POLE: variants seen among roughly 807,000 people sequenced by gnomAD.
POLE encodes DNA polymerase epsilon, catalytic subunit.
A neutral mutation model predicts 279.2 loss-of-function variants in POLE; 188 were observed. That is an observed-to-expected ratio of 0.67 (90% CI 0.60 to 0.76). The LOEUF (loss-of-function observed/expected upper bound fraction) is 0.76, where lower values mean the gene tolerates loss of function less well. POLE is among the 30% of genes least tolerant of loss of function. POLE has a pLI of 0.00. For missense variants in POLE, 2,703 were observed against 3,016.7 expected (o/e 0.90, Z 2.44); for synonymous variants, 1,214 against 1,172.5 (o/e 1.04, Z -0.72).
chr12:132,634,283 T>TTCC lies in POLE; in HGVS notation c.5904_5906dup (p.Glu1969dup), dbSNP rs754275919. On this transcript the variant is annotated inframe_insertion, in exon 43 of 49. Transcript: ENST00000320574. This position sits in a 1 kb window ranked among gnomAD's most constrained non-coding sequence, Gnocchi z 4.0. The stretch of plus-strand genomic sequence containing the variant: ...TTTCCAGTAAATCCTCCACGTTGGA[T>TTCC]TCCTCCGCCTCTTCCTCCTCCTCCC... 1.9e-6 allele frequency: 3 copies of TTCC among 1,614,212 alleles called. No individual in the cohort carries two copies. The highest frequency in any genetic ancestry group is 1.1e-5 in the South Asian group (1 of 91,082).
chr12:132,676,668 T>A lies in POLE; in HGVS notation c.802-15A>T, dbSNP rs201609441. On this transcript the variant is annotated splice_polypyrimidine_tract_variant and intron_variant, in intron 8 of 48. Coordinates refer to ENST00000320574, the MANE Select transcript of POLE (RefSeq NM_006231.4). ...ACCACAGGGTCCTGTGGGGACAAAATAAGCATAAAGCCAAGCTCTAAACTC... is the reference window on the plus strand; with the variant it reads ...ACCACAGGGTCCTGTGGGGACAAAAAAAGCATAAAGCCAAGCTCTAAACTC... 1.3e-6 allele frequency: 2 copies of A among 1,563,670 alleles called. No homozygotes were observed. Among genetic ancestry groups the A allele is most frequent in the Non-Finnish European group, 1.8e-6 (2 of 1,134,532 alleles).
At chr12:132,654,232 GTC>G (rs2042485128) in intron 29 of POLE, among the ~76,000 whole-genome samples, 1 of 143,152 alleles carries the variant, frequency 7.0e-6, no homozygotes, top group South Asian at 2.2e-4. Flanking sequence ...ATTTTTTTTC[GTC>G]TCTTTTTTTT....
rs770926261 is a variant in POLE at position 132,635,849 on chromosome 12, G to A, written c.5811+43C>T. ...CAGCACTTGCTGCAGGAATGAACGC[G>A]ACCCCCAAAGCTGGCTCGGGTGCCA... On this transcript the variant is annotated intron_variant, in intron 42 of 48. Transcript: ENST00000320574. The A allele has an allele frequency of 1.3e-5, 21 of 1,577,322 alleles. No individual in the cohort carries two copies. Among genetic ancestry groups the A allele is most frequent in the Admixed American group, 7.2e-5 (4 of 55,588 alleles).
chr12:132,636,368 C>T (rs2042032225), intron 41 of POLE, among the ~76,000 whole-genome samples: 2 of 140,762 alleles, frequency 1.4e-5, no homozygotes, highest in Admixed American at 1.5e-4. Context: ...TTTAAGCTAT[C>T]GTCATCCTTG....
Position 132,675,671 on chromosome 12 carries a change from G to T in POLE, c.1106+64C>A. The T allele has an allele frequency of 6.4e-7, 1 of 1,564,798 alleles. No homozygotes were observed. Among genetic ancestry groups the T allele is most frequent in the Non-Finnish European group, 8.8e-7 (1 of 1,136,114 alleles). On this transcript the variant is annotated intron_variant, in intron 11 of 48. Coordinates refer to ENST00000320574, the MANE Select transcript of POLE (RefSeq NM_006231.4). The surrounding 1 kb of genome is among the most constrained non-coding windows in gnomAD (Gnocchi z 4.3). The stretch of plus-strand genomic sequence containing the variant: ...CTAAGTCGACATGGGAAGCGCCCCT[G>T]CACCACGCAACGCCCTCCCTCTCAA...
rs753586583 is a variant in POLE at position 132,673,259 on chromosome 12, C to T, written c.1378G>A (p.Val460Met). 10 of 1,611,092 alleles carry T rather than the reference C, an allele frequency of 6.2e-6. No homozygotes were observed. The highest frequency in any genetic ancestry group is 1.7e-5 in the Admixed American group (1 of 60,006). Reference sequence around the variant, plus strand: ...TAGTAAGTGGCGACAGCATCTGACACAGAATACGTGGCCAGAGTCTGAGGA... The same window carrying T: ...TAGTAAGTGGCGACAGCATCTGACATAGAATACGTGGCCAGAGTCTGAGGA... ...EQPQTLATYS[V>M]SDAVATYYLY... is the part of the protein sequence containing the mutation. Residue 460 changes from valine to methionine, a missense_variant, in exon 14 of 49, where the codon GTG becomes ATG. Transcript: ENST00000320574.
chr12:132,668,577 G>A lies in POLE; in HGVS notation c.2026+58C>T, dbSNP rs553712045. 2.1e-5 allele frequency: 34 copies of A among 1,582,374 alleles called. No individual in the cohort carries two copies. Among genetic ancestry groups the A allele is most frequent in the Middle Eastern group, 3.4e-4 (2 of 5,896 alleles). The stretch of plus-strand genomic sequence containing the variant: ...GGCTTCCCACCAAGTGGAGAAAGGC[G>A]GCCGACACTCACCCACCCGTTTCCC... On this transcript the variant is annotated intron_variant, in intron 18 of 48. Coordinates refer to ENST00000320574, the MANE Select transcript of POLE (RefSeq NM_006231.4). This position sits in a 1 kb window ranked among gnomAD's most constrained non-coding sequence, Gnocchi z 4.0.
In POLE at chr12:132,660,713, A is replaced by T. The variant is rs1478682786; in HGVS notation, c.3060+256T>A. On this transcript the variant is annotated intron_variant, in intron 25 of 48. Transcript: ENST00000320574. ...CAAGTGATCCTCCCAAGTAGCTGGG[A>T]CCACAGGCACGCATCACCATGCCAG... 3 of 315,160 alleles carry T rather than the reference A, an allele frequency of 9.5e-6. No homozygotes were observed. The Admixed American group carries it at 1.4e-4, about 15-fold the overall frequency. The allele number at this position is 315,160 out of a possible 1,614,324, so 19.5% of individuals were successfully genotyped here. A position where few individuals can be genotyped will look rare whatever the true frequency, so the allele number is the denominator to read the frequency against.
At chr12:132,625,151 G>T (rs933012460) in intron 47 of POLE, 157 bp from the exon 48 acceptor site, 9 of 681,852 alleles carry the variant, frequency 1.3e-5, no homozygotes, top group African/African-American at 3.5e-5. Context: ...TAAAATGCAC[G>T]ACCTCATCCC....
chr12:132,642,397 C>T lies in POLE; in HGVS notation c.4953G>A (p.Arg1651=), dbSNP rs1296542471. 14 of 1,580,164 alleles carry T rather than the reference C, an allele frequency of 8.9e-6. 1 individual carries two copies. Among genetic ancestry groups the T allele is most frequent in the Non-Finnish European group, 1.0e-5 (12 of 1,159,562 alleles). The part of the protein sequence containing the change: ...TCLSQAFEMS[R]YFHIPIGNLP... Reference sequence around the variant, plus strand: ...GGTTCCCAATGGGAATGTGAAAGTACCTGCACCAGGGCACAGGTCAGCACC... The same window carrying T: ...GGTTCCCAATGGGAATGTGAAAGTATCTGCACCAGGGCACAGGTCAGCACC... The change falls in exon 38 of 49, where the codon AGG becomes AGA. Residue 1651 remains arginine, a splice_region_variant and synonymous_variant. Coordinates refer to ENST00000320574, the MANE Select transcript of POLE (RefSeq NM_006231.4).
intron 32 of POLE, 86 bp from the exon 33 acceptor site, chr12:132,644,063 C>A (rs2138564269): frequency 7.1e-7 from 1 of 1,415,750 alleles, no homozygotes; most frequent in African/African-American, 2.4e-5. Flanking sequence ...TATTCGGAGT[C>A]CTAGACTTCT....
At chr12:132,638,901 G>A (rs1408168671) in intron 40 of POLE, 1 of 564,750 alleles carries the variant, frequency 1.8e-6, no homozygotes, top group South Asian at 2.2e-5. Flanking sequence ...GCAGGAAAGG[G>A]GCAGGAGAGG....
intron 29 of POLE, among the ~76,000 whole-genome samples, chr12:132,653,449 C>A (rs1183586632): frequency 1.3e-5 from 2 of 152,130 alleles, no homozygotes; most frequent in African/African-American, 4.8e-5. Context: ...TTCCTTAGTA[C>A]ATTATTTATT....
chr12:132,649,798 G>C lies in POLE; in HGVS notation c.3674C>G (p.Ala1225Gly). The C allele has an allele frequency of 6.2e-7, 1 of 1,614,198 alleles. No homozygotes were observed. Among genetic ancestry groups the C allele is most frequent in the Non-Finnish European group, 8.5e-7 (1 of 1,180,042 alleles). Residue 1225 changes from alanine to glycine, a missense_variant, in exon 30 of 49, where the codon GCC becomes GGC. Physicochemically the swap from Ala to Gly is moderately conservative, Grantham distance 60. Coordinates refer to ENST00000320574, the MANE Select transcript of POLE (RefSeq NM_006231.4). ...FGLVKLPHPAAPVTVKRKRVL... is the reference protein window; with the variant it reads ...FGLVKLPHPAGPVTVKRKRVL... ...TCGCTTCCTCTTCACAGTGACAGGG[G>C]CTGCTGGGTGAGGCAGCTTTACGAG...
chr12:132,633,162 CTTTTT>C (rs35854836), intron 43 of POLE: 18 of 146,194 alleles, frequency 1.2e-4, no homozygotes, highest in Admixed American at 2.7e-4. Flanking sequence ...GGCACTTACC[CTTTTT>C]TTTTTTTTTT....
rs899355767 is a variant in POLE at position 132,661,784 on chromosome 12, G to A, written c.2707-100C>T. The stretch of plus-strand genomic sequence containing the variant: ...AGGAGTGGATGGATTGACAAACCGA[G>A]GCTTTTCCACATAACTAACACGACT... On this transcript the variant is annotated intron_variant, in intron 23 of 48. Coordinates refer to ENST00000320574, the MANE Select transcript of POLE (RefSeq NM_006231.4). The surrounding 1 kb of genome is among the most constrained non-coding windows in gnomAD (Gnocchi z 4.1). 6 of 1,232,684 alleles carry A rather than the reference G, an allele frequency of 4.9e-6. No individual in the cohort carries two copies. The highest frequency in any genetic ancestry group is 6.8e-6 in the Non-Finnish European group (6 of 878,744). 76.4% of individuals were successfully genotyped at this position (1,232,684 alleles called of 1,614,324 possible). A position where few individuals can be genotyped will look rare whatever the true frequency, so the allele number is the denominator to read the frequency against.
Position 132,641,647 on chromosome 12 carries a change from C to A in POLE, c.5378G>T (p.Arg1793Met). Residue 1793 changes from arginine (R) to methionine (M), a missense_variant and splice_region_variant, in exon 39 of 49, where the codon AGG becomes ATG. Transcript: ENST00000320574. ...CACTCCTTCCCAGAGAGGGTGGCAC[C>A]TGAAGGTGTTAGAGCACAGGGCTGT... ...DETALCSNTF[R>M]ILKSMVVGWV... The A allele has an allele frequency of 6.2e-7, 1 of 1,613,484 alleles. No homozygotes were observed. The highest frequency in any genetic ancestry group is 8.5e-7 in the Non-Finnish European group (1 of 1,179,476).
chr12:132,631,303 C>A (rs1374308072), intron 45 of POLE, among the ~76,000 whole-genome samples: 1 of 152,088 alleles, frequency 6.6e-6, no homozygotes, highest in African/African-American at 2.4e-5. Context: ...GAGGGCAGTG[C>A]GGGGAATGTT....
rs1178060619 is a variant in POLE, at chr12:132,632,445, G to A, written c.6200C>T (p.Thr2067Ile). ...TGTGACTTTCTTCTGAATCTTCTGAGTGATGGTGAAGAAGCTCTGAGTGAG... is the reference window on the plus strand; with the variant it reads ...TGTGACTTTCTTCTGAATCTTCTGAATGATGGTGAAGAAGCTCTGAGTGAG... ...NELTQSFFTI[T>I]QKIQKKVTGS... Residue 2067 changes from threonine to isoleucine, a missense_variant, in exon 45 of 49, where the codon ACT becomes ATT. By Grantham distance (89) the Thr-to-Ile change is moderately conservative. This residue lies in a region of POLE where 1,551 missense variants were observed against 1,686.1 expected (regional missense o/e 0.92). Transcript: ENST00000320574. The A allele has an allele frequency of 6.2e-7, 1 of 1,613,972 alleles. No homozygotes were observed. The highest frequency in any genetic ancestry group is 1.7e-5 in the Admixed American group (1 of 60,034).
Sources: gnomAD v4.1 joint callset for allele counts (sites outside exome capture counted in the v4.1 genomes callset) on GRCh38, gnomAD v4.1.1 for gene constraint, gnomAD v4.1.1 regional missense constraint, Gnocchi (gnomAD v3.1) non-coding constraint, MANE v1.5 for transcripts, NCBI Gene and HGNC (gene_info 2026-07-23, HGNC 2026-07-21) for gene names.